Variants in CYB5RL observed in about 807,000 individuals in gnomAD.
CYB5RL encodes cytochrome b5 reductase like, also known as NADH-cytochrome b5 reductase-like.
Under a neutral mutation model 37.5 loss-of-function variants are expected in CYB5RL, and 38 were observed. The observed-to-expected ratio is 1.01, with a 90% CI of 0.78 to 1.33. CYB5RL has a LOEUF of 1.33. Ranked by LOEUF, CYB5RL falls within the 40% of genes most tolerant of loss-of-function variation. CYB5RL has a pLI of 0.00. For synonymous variants in CYB5RL, 141 were observed against 151.9 expected (o/e 0.93, Z 0.53); for missense variants, 388 against 394.4 (o/e 0.98, Z 0.14).
In CYB5RL at chr1:54,190,914, C is replaced by T. The variant is rs553055667; in HGVS notation, c.199-18G>A. The T allele has an allele frequency of 3.2e-5, 52 of 1,608,440 alleles. No individual in the cohort carries two copies. In the Middle Eastern group the frequency reaches 5.9e-4, roughly 18 times the overall value. On this transcript the variant is annotated intron_variant, in intron 3 of 7. Transcript: ENST00000534324. ...GGGCAGCTCTGCAACAGGAAGAGAT[C>T]CAACAGCTAGAGGCCGGGGCTCCAC...
At position 54,170,759 on chromosome 1, in the gene CYB5RL, C is replaced by T. The variant is rs192008730; in HGVS notation, c.*3860G>A. 33 of 260,468 alleles carry T rather than the reference C, an allele frequency of 1.3e-4. No homozygotes were observed. Among genetic ancestry groups the T allele is most frequent in the African/African-American group, 6.3e-4 (29 of 45,866 alleles). 16.1% of individuals were successfully genotyped at this position (260,468 alleles called of 1,614,324 possible). On this transcript the variant is annotated 3_prime_UTR_variant, in exon 8 of 8. Transcript: ENST00000534324. ...TCTGGTTGCACTCATGTGTCACACA[C>T]AACCTTTACCACAATCACATGCTGG...
intron 5 of CYB5RL, among the ~76,000 whole-genome samples, chr1:54,186,970 T>C (rs558937049): frequency 1.3e-5 from 2 of 152,206 alleles, no homozygotes; most frequent in South Asian, 4.1e-4. Flanking sequence ...AATGATTCCA[T>C]TTGGGAAATG....
In CYB5RL at chr1:54,174,549, T is replaced by G; in HGVS notation, c.*70A>C. On this transcript the variant is annotated 3_prime_UTR_variant, in exon 8 of 8. Coordinates refer to ENST00000534324, the MANE Select transcript of CYB5RL (RefSeq NM_001031672.4). ...CAGGCCTGGACTCCGTGTCTTCTGA[T>G]TCCAGTCTGTGCTCCTTCCTGGGTC... The G allele has an allele frequency of 6.6e-7, 1 of 1,526,264 alleles. No individual in the cohort carries two copies. Among genetic ancestry groups the G allele is most frequent in the Non-Finnish European group, 8.9e-7 (1 of 1,125,288 alleles). The allele number at this position is 1,526,264 out of a possible 1,614,324, so 94.5% of individuals were successfully genotyped here.
intron 6 of CYB5RL, among the ~76,000 whole-genome samples, chr1:54,179,826 C>T (rs1455253937): frequency 3.9e-5 from 6 of 152,182 alleles, no homozygotes; most frequent in Admixed American, 3.9e-4. Flanking sequence ...TTCCTCTGCC[C>T]CAGGGTACCT....
rs1263482369 is a variant in CYB5RL, at chr1:54,174,841, C to T, written c.745-19G>A. 1 of 1,608,792 alleles carries T rather than the reference C, an allele frequency of 6.2e-7. No individual in the cohort carries two copies. Among genetic ancestry groups the T allele is most frequent in the Non-Finnish European group, 8.5e-7 (1 of 1,179,446 alleles). Reference sequence around the variant, plus strand: ...AGCTCTCCTGGGAAGACAAGAAAGGCATGGGTGACTACAAGGGAGCGGGGG... The same window carrying T: ...AGCTCTCCTGGGAAGACAAGAAAGGTATGGGTGACTACAAGGGAGCGGGGG... On this transcript the variant is annotated intron_variant, in intron 7 of 7. Transcript: ENST00000534324.
In CYB5RL at chr1:54,174,661, T is replaced by C; in HGVS notation, c.906A>G (p.Leu302=). The change falls in exon 8 of 8, where the codon TTA becomes TTG. Residue 302 remains leucine, a synonymous_variant. Transcript: ENST00000534324. ...AEFTKDIARC[L]LCAGLTEDSY... is the part of the protein sequence containing the mutation. The stretch of plus-strand genomic sequence containing the variant: ...AGTCCTCAGTGAGGCCTGCGCACAG[T>C]AAGCACCTGGCTATGTCTTTGGTGA... 1 of 1,613,208 alleles carries C rather than the reference T, an allele frequency of 6.2e-7. No individual in the cohort carries two copies.
At chr1:54,198,955 C>G (rs1644046486) in intron 1 of CYB5RL, among the ~76,000 whole-genome samples, 1 of 152,108 alleles carries the variant, frequency 6.6e-6, no homozygotes, top group Admixed American at 6.6e-5. Flanking sequence ...TTTTAACAGT[C>G]CCACTTTCTC....
intron 7 of CYB5RL, 86 bp downstream of exon 7, chr1:54,179,063 A>C: frequency 4.7e-6 from 7 of 1,485,936 alleles, no homozygotes; most frequent in Non-Finnish European, 5.5e-6. Flanking sequence ...ATCCATTGCC[A>C]AAAGAGGCTA....
At chr1:54,198,991 G>A (rs1448172011) in intron 1 of CYB5RL, among the ~76,000 whole-genome samples, 2 of 152,120 alleles carry the variant, frequency 1.3e-5, no homozygotes, top group African/African-American at 4.8e-5. Context: ...TAGCAGAAAA[G>A]TTGGCCACGT....
chr1:54,199,791 C>A (rs1397534533), intron 1 of CYB5RL, among the ~76,000 whole-genome samples, 185 bp downstream of exon 1: 1 of 152,214 alleles, frequency 6.6e-6, no homozygotes, highest in Non-Finnish European at 1.5e-5. Flanking sequence ...GACAGAGGCG[C>A]TCGCAGCAGC....
In CYB5RL at chr1:54,170,053, G is replaced by C. The variant is rs944505109; in HGVS notation, c.*4566C>G. The C allele has an allele frequency of 6.6e-6, 1 of 152,218 alleles. No individual in the cohort carries two copies. 9.4% of individuals were successfully genotyped at this position (152,218 alleles called of 1,614,324 possible). ...GCGGATGGAGTTCACTTTAATTGCT[G>C]TATCTACAGGCAGTTTTTAATTCCT... On this transcript the variant is annotated 3_prime_UTR_variant, in exon 8 of 8. Coordinates refer to ENST00000534324, the MANE Select transcript of CYB5RL (RefSeq NM_001031672.4).
intron 2 of CYB5RL, 136 bp from the exon 3 acceptor site, chr1:54,195,851 G>GA: frequency 4.9e-6 from 2 of 404,182 alleles, no homozygotes; most frequent in Admixed American, 8.1e-5. Context: ...GTCTGGTGGG[G>GA]AGCATTAACC....
intron 4 of CYB5RL, 88 bp downstream of exon 4, chr1:54,190,660 G>A: frequency 6.6e-7 from 1 of 1,503,930 alleles, no homozygotes; most frequent in South Asian, 1.2e-5. Context: ...GAGGCTTAAG[G>A]GAGAGTACGC....
rs773462054 is a variant in CYB5RL at position 54,174,726 on chromosome 1, G to A, written c.841C>T (p.Arg281Trp). The A allele has an allele frequency of 1.4e-5, 23 of 1,613,908 alleles. No homozygotes were observed. The highest frequency in any genetic ancestry group is 4.0e-5 in the African/African-American group (3 of 74,948). Residue 281 changes from arginine to tryptophan, a missense_variant, in exon 8 of 8, where the codon CGG becomes TGG. Arg to Trp is a moderately radical substitution (Grantham distance 101). Coordinates refer to ENST00000534324, the MANE Select transcript of CYB5RL (RefSeq NM_001031672.4). ...DLIKELVSCCRRKPFALVCGS... is the reference protein window; with the variant it reads ...DLIKELVSCCWRKPFALVCGS... ...CAGACCAGTGCGAATGGCTTTCTCC[G>A]ACAGCAGCTGACCAGCTCTTTAATT...
chr1:54,180,019 G>A, intron 6 of CYB5RL: 1 of 453,076 alleles, frequency 2.2e-6, no homozygotes, highest in South Asian at 1.6e-5. Context: ...GCCAAGGTGG[G>A]CGGATCACTT....
chr1:54,178,622 A>C (rs1294388380), intron 7 of CYB5RL, among the ~76,000 whole-genome samples: 1 of 152,118 alleles, frequency 6.6e-6, no homozygotes, highest in Non-Finnish European at 1.5e-5. Context: ...AGGTGGGAGG[A>C]TACTAGCAAG....
intron 6 of CYB5RL, among the ~76,000 whole-genome samples, chr1:54,183,508 T>C (rs1660215297): frequency 6.6e-6 from 1 of 152,158 alleles, no homozygotes; most frequent in African/African-American, 2.4e-5. Flanking sequence ...CCATCTGAGC[T>C]AGGAAGCAGG....
chr1:54,175,216 G>A (rs925660604), intron 7 of CYB5RL, among the ~76,000 whole-genome samples: 1 of 152,204 alleles, frequency 6.6e-6, no homozygotes, highest in African/African-American at 2.4e-5. Context: ...CACCCTCGGA[G>A]CATAACTTTT....
rs183151042 is a variant in CYB5RL at position 54,199,031 on chromosome 1, G to T, written c.-223+945C>A. ...CATGAATTTTAAAGAGTTGGTTCAT[G>T]CGTCCTCTGAGCTCTATCTTTTCAG... On this transcript the variant is annotated intron_variant, in intron 1 of 7. Transcript: ENST00000534324. Among the ~76,000 whole-genome samples the T allele has an allele frequency of 2.4e-4, 37 of 152,234 alleles. 1 individual carries two copies. Among genetic ancestry groups the T allele is most frequent in the Admixed American group, 2.0e-3 (30 of 15,292 alleles).
Sources: gnomAD v4.1 joint callset for allele counts (sites outside exome capture counted in the v4.1 genomes callset) on GRCh38, gnomAD v4.1.1 for gene constraint, MANE v1.5 for transcripts, NCBI Gene and HGNC (gene_info 2026-07-23, HGNC 2026-07-21) for gene names.